The following EEF1D variants were observed in gnomAD, a reference collection of about 807,000 sequenced individuals.
The protein encoded by EEF1D is eukaryotic translation elongation factor 1 delta.
In EEF1D, 47 loss-of-function variants were observed where a neutral mutation model predicts 63.9. The ratio of observed to expected loss-of-function variants is 0.74; its 90% CI spans 0.58 to 0.94. The LOEUF is 0.94. Among genes scored for constraint, EEF1D ranks in the 40% least tolerant of loss-of-function variants. EEF1D has a pLI of 0.00. For missense variants in EEF1D, 907 were observed against 899.0 expected (o/e 1.01, Z -0.11); for synonymous variants, 412 against 386.1 (o/e 1.07, Z -0.79).
At chr8:143,581,564 G>A (rs367650218) in intron 5 of EEF1D, 26 of 575,672 alleles carry the variant, frequency 4.5e-5, no homozygotes, top group African/African-American at 9.4e-5. Flanking sequence ...CCCCAGAGAC[G>A]GAGGCTGTGG....
intron 8 of EEF1D, 127 bp from the exon 9 acceptor site, chr8:143,580,333 CA>C (rs1825191326): frequency 3.9e-6 from 5 of 1,267,614 alleles, no homozygotes; most frequent in East Asian, 2.5e-5. Context: ...CCACAGAAAA[CA>C]ATCCAAATTC....
intron 1 of EEF1D, chr8:143,593,927 A>ACTT: frequency 1.0e-6 from 1 of 985,370 alleles, no homozygotes; most frequent in Non-Finnish European, 1.2e-6. Context: ...CTGAGCTTCA[A>ACTT]AGCTTGCGCA....
chr8:143,594,010 G>A, intron 1 of EEF1D: 1 of 742,876 alleles, frequency 1.3e-6, no homozygotes, highest in Non-Finnish European at 1.6e-6. Context: ...TCTTTCAACT[G>A]CGTCCCGACA....
At chr8:143,580,880 A>G in intron 7 of EEF1D, 153 bp from the exon 8 acceptor site, 1 of 1,143,976 alleles carries the variant, frequency 8.7e-7, no homozygotes, top group East Asian at 2.4e-5. Context: ...CCCAGGAAAG[A>G]CAAAAACTGC....
At position 143,581,264 on chromosome 8, in the gene EEF1D, G is replaced by C; in HGVS notation, c.1352C>G (p.Ala451Gly). 6.2e-7 allele frequency: 1 copy of C among 1,612,648 alleles called. No homozygotes were observed. Among genetic ancestry groups the C allele is most frequent in the Non-Finnish European group, 8.5e-7 (1 of 1,179,994 alleles). ...ACTCTGGTTCTCCACTTCCAGACTGGCAATCCGGACGACGAGCTCACCGTG... is the reference window on the plus strand; with the variant it reads ...ACTCTGGTTCTCCACTTCCAGACTGCCAATCCGGACGACGAGCTCACCGTG... ...GDHGELVVRIASLEVENQSLR... is the reference protein window; with the variant it reads ...GDHGELVVRIGSLEVENQSLR... The change falls in exon 6 of 10, where the codon GCC (alanine) becomes GGC (glycine). Residue 451 changes from alanine (A) to glycine (G), a missense_variant. Ala to Gly is a moderately conservative substitution (Grantham distance 60). Coordinates refer to ENST00000618139, the MANE Select transcript of EEF1D (RefSeq NM_001130053.5).
chr8:143,590,686 C>T (rs1827795881), intron 2 of EEF1D: 1 of 570,476 alleles, frequency 1.8e-6, no homozygotes, highest in Non-Finnish European at 2.2e-6. Context: ...GGGCGGATCA[C>T]AGGGTCTGGA....
At chr8:143,588,282 A>T (rs1349052886) in intron 3 of EEF1D, among the ~76,000 whole-genome samples, 1 of 151,996 alleles carries the variant, frequency 6.6e-6, no homozygotes, top group Non-Finnish European at 1.5e-5. Context: ...CCACCAGGAC[A>T]CCCTCGCCAA....
At position 143,589,607 on chromosome 8, in the gene EEF1D, C is replaced by T. The variant is rs141488516; in HGVS notation, c.475G>A (p.Val159Met). The part of the protein sequence containing the change: ...THGNQVACHH[V>M]TWGIWVNKSS... ...TTGTTGACCCAGATCCCCCAGGTCA[C>T]GTGGTGGCAGGCCACCTGGTTTCCA... Residue 159 changes from valine (V) to methionine (M), a missense_variant, in exon 3 of 10, where the codon GTG (valine) becomes ATG (methionine). By Grantham distance (21) the Val-to-Met change is conservative. Coordinates refer to ENST00000618139, the MANE Select transcript of EEF1D (RefSeq NM_001130053.5). 22 of 1,530,084 alleles carry T rather than the reference C, an allele frequency of 1.4e-5. No homozygotes were observed. The Middle Eastern group carries it at 5.2e-4, about 37-fold the overall frequency. 94.8% of individuals were successfully genotyped at this position (1,530,084 alleles called of 1,614,324 possible). A position where few individuals can be genotyped will look rare whatever the true frequency, so the allele number is the denominator to read the frequency against.
chr8:143,589,558 C>A lies in EEF1D; in HGVS notation c.524G>T (p.Arg175Leu). Residue 175 changes from arginine (R) to leucine (L), a missense_variant, in exon 3 of 10, where the codon CGG becomes CTG. Transcript: ENST00000618139. Reference protein sequence around the residue: ...VNKSSFDQAERAFVEWSQALL... With the variant: ...VNKSSFDQAELAFVEWSQALL... ...GGCCTGAGACCACTCCACGAAGGCC[C>A]GCTCAGCCTGGTCGAAGGAGGACTT... The A allele has an allele frequency of 1.3e-6, 2 of 1,513,866 alleles. No individual in the cohort carries two copies. The highest frequency in any genetic ancestry group is 1.8e-6 in the Non-Finnish European group (2 of 1,131,014). 93.8% of individuals were successfully genotyped at this position (1,513,866 alleles called of 1,614,324 possible).
At chr8:143,581,400 G>A (rs1825535044) in intron 5 of EEF1D, 72 bp from the exon 6 acceptor site, 1 of 1,382,924 alleles carries the variant, frequency 7.2e-7, no homozygotes, top group East Asian at 2.4e-5. Flanking sequence ...GCTCAGGACT[G>A]CAGGAACTCA....
chr8:143,590,141 G>GCAGC, intron 2 of EEF1D, 60 bp from the exon 3 acceptor site: 1 of 1,595,842 alleles, frequency 6.3e-7, no homozygotes, highest in African/African-American at 1.3e-5. Context: ...GCGGGTGGCC[G>GCAGC]CAGCCCCGTG....
At chr8:143,596,677 G>A (rs1266948843) in intron 1 of EEF1D, 1 of 152,254 alleles carries the variant, frequency 6.6e-6, no homozygotes, top group East Asian at 1.9e-4. Context: ...CTTCATTCTG[G>A]AAACCAATCC....
At chr8:143,590,123 G>A (rs1827681420) in intron 2 of EEF1D, 42 bp from the exon 3 acceptor site, 2 of 1,598,044 alleles carry the variant, frequency 1.3e-6, no homozygotes, top group African/African-American at 2.7e-5. Flanking sequence ...GGGCAGAGTT[G>A]CAACACAGCG....
intron 1 of EEF1D, among the ~76,000 whole-genome samples, chr8:143,595,407 T>C (rs550785682): frequency 2.0e-5 from 3 of 152,212 alleles, no homozygotes; most frequent in Non-Finnish European, 2.9e-5. Flanking sequence ...GGTTTCACCA[T>C]GTTGGCCAGG....
At chr8:143,580,398 T>C (rs1825205630) in intron 8 of EEF1D, 108 bp downstream of exon 8, 2 of 1,395,750 alleles carry the variant, frequency 1.4e-6, no homozygotes, top group Non-Finnish European at 9.8e-7. Flanking sequence ...AACTCGGCTT[T>C]AAAGTCTCCC....
At chr8:143,583,462 T>C (rs1245063791) in intron 5 of EEF1D, 1 of 152,330 alleles carries the variant, frequency 6.6e-6, no homozygotes, top group East Asian at 1.9e-4. Flanking sequence ...CGCTGCCTTC[T>C]GGGCACTGGA....
In EEF1D at chr8:143,580,594, C is replaced by A. The variant is rs140041705; in HGVS notation, c.1622G>T (p.Arg541Leu). 1.2e-6 allele frequency: 2 copies of A among 1,613,632 alleles called. No homozygotes were observed. The highest frequency in any genetic ancestry group is 1.7e-6 in the Non-Finnish European group (2 of 1,179,908). The change falls in exon 8 of 10, where the codon CGG (arginine) becomes CTG (leucine). Residue 541 changes from arginine (R) to leucine (L), a missense_variant. Physicochemically the swap from Arg to Leu is moderately radical, Grantham distance 102. Transcript: ENST00000618139. ...CGCGTACTGCCGTAGCCGCTCCTCC[C>A]GCAGCTGTGCCGCCTCCTTGTCCTC... ...EEEDKEAAQLREERLRQYAEK... is the reference protein window; with the variant it reads ...EEEDKEAAQLLEERLRQYAEK...
intron 2 of EEF1D, chr8:143,592,025 G>A (rs1828050051): frequency 2.0e-6 from 2 of 985,266 alleles, no homozygotes; most frequent in African/African-American, 3.5e-5. Flanking sequence ...GAGGCCACAG[G>A]GCCCATGAAG....
intron 1 of EEF1D, chr8:143,596,330 T>C (rs1288021027): frequency 1.1e-4 from 16 of 152,160 alleles, no homozygotes; most frequent in Admixed American, 9.2e-4. Context: ...AGGCATGTGG[T>C]GAGAAGGCGA....
Sources: allele counts gnomAD v4.1 joint callset (sites outside exome capture counted in the v4.1 genomes callset), GRCh38; gene constraint gnomAD v4.1.1; transcripts MANE v1.5; gene names NCBI Gene and HGNC (gene_info 2026-07-23, HGNC 2026-07-21).